Variants in GRIK3 observed in about 807,000 individuals in gnomAD.
GRIK3 encodes glutamate receptor ionotropic, kainate 3.
In GRIK3, 29 loss-of-function variants were observed where a neutral mutation model predicts 102.5. That is an observed-to-expected ratio of 0.28 (90% confidence interval 0.21 to 0.39). The LOEUF is 0.39. GRIK3 is among the 10% of genes least tolerant of loss of function. GRIK3 has a pLI of 1.00. For missense variants in GRIK3, 908 were observed against 1,252.4 expected (o/e 0.73, Z 4.15); for synonymous variants, 511 against 504.9 (o/e 1.01, Z -0.16).
intron 1 of GRIK3, among the ~76,000 whole-genome samples, chr1:36,990,463 T>G (rs1642353275): frequency 6.6e-6 from 1 of 152,136 alleles, no homozygotes; most frequent in Admixed American, 6.5e-5. Context: ...CAGGAGGAGC[T>G]GGCTTCAGGC....
chr1:36,952,897 G>A (rs987771969), intron 1 of GRIK3, among the ~76,000 whole-genome samples: 5 of 152,198 alleles, frequency 3.3e-5, no homozygotes, highest in African/African-American at 1.2e-4. Flanking sequence ...CTATGTGCCT[G>A]AGAGAAATGC....
chr1:36,853,961 C>T (rs1640617823), intron 7 of GRIK3, among the ~76,000 whole-genome samples: 1 of 152,196 alleles, frequency 6.6e-6, no homozygotes, highest in South Asian at 2.1e-4. Context: ...CAACATCGAT[C>T]TTGGATGCGC....
intron 1 of GRIK3, among the ~76,000 whole-genome samples, chr1:36,952,591 T>A (rs552218226): frequency 6.6e-6 from 1 of 152,324 alleles, no homozygotes; most frequent in South Asian, 2.1e-4. Flanking sequence ...TTTACACACA[T>A]AATGAACACG....
intron 1 of GRIK3, among the ~76,000 whole-genome samples, chr1:36,927,938 C>T (rs1641546529): frequency 6.6e-6 from 1 of 152,094 alleles, no homozygotes; most frequent in Non-Finnish European, 1.5e-5. Context: ...AATTCCGCCT[C>T]CGGAATTGTG....
chr1:36,900,599 A>G (rs1411665417), intron 1 of GRIK3, among the ~76,000 whole-genome samples: 1 of 152,218 alleles, frequency 6.6e-6, no homozygotes, highest in Non-Finnish European at 1.5e-5. Flanking sequence ...AATAGAAAAG[A>G]AGAAAGATCT....
chr1:36,949,930 G>C (rs1641826599), intron 1 of GRIK3, among the ~76,000 whole-genome samples: 1 of 152,050 alleles, frequency 6.6e-6, no homozygotes, highest in African/African-American at 2.4e-5. Flanking sequence ...AGAAACAGAG[G>C]CACAGAGTGG....
chr1:36,887,767 A>ATATATAT (rs1466580543), intron 2 of GRIK3, among the ~76,000 whole-genome samples: 2 of 106,432 alleles, frequency 1.9e-5, no homozygotes, highest in African/African-American at 8.8e-5. Context: ...AAAAAAAAAA[A>ATATATAT]AAAAATATAT....
At chr1:36,875,754 G>A (rs1640907100) in intron 3 of GRIK3, among the ~76,000 whole-genome samples, 1 of 152,230 alleles carries the variant, frequency 6.6e-6, no homozygotes. Context: ...AGAAATCACT[G>A]ACCCTGTGGA....
At chr1:37,030,529 T>C (rs1298848264) in intron 1 of GRIK3, among the ~76,000 whole-genome samples, 28 of 117,340 alleles carry the variant, frequency 2.4e-4, no homozygotes, top group African/African-American at 1.1e-3. Flanking sequence ...ACCCTTCCTT[T>C]TCCCCACCCC....
intron 1 of GRIK3, among the ~76,000 whole-genome samples, chr1:36,970,121 C>A (rs1246369004): frequency 6.6e-6 from 1 of 152,088 alleles, no homozygotes; most frequent in Non-Finnish European, 1.5e-5. Flanking sequence ...TTAGCAGCCA[C>A]CAAAGGTTTA....
intron 13 of GRIK3, among the ~76,000 whole-genome samples, chr1:36,807,750 C>T (rs932885336): frequency 6.6e-6 from 1 of 152,152 alleles, no homozygotes; most frequent in Admixed American, 6.5e-5. Flanking sequence ...CAGGCAGGAC[C>T]CCTTAGAATT....
chr1:36,804,499 T>A (rs934724803), intron 15 of GRIK3: 1 of 166,894 alleles, frequency 6.0e-6, no homozygotes, highest in Non-Finnish European at 1.3e-5. Context: ...ACTGTCTATA[T>A]GCTTGGGCCA....
chr1:36,939,019 A>G (rs942959174), intron 1 of GRIK3, among the ~76,000 whole-genome samples: 4 of 152,142 alleles, frequency 2.6e-5, no homozygotes, highest in African/African-American at 9.7e-5. Context: ...CGTCTCTTTG[A>G]GTCCTTGGCT....
chr1:36,814,518 C>CACA (rs1158471326), intron 13 of GRIK3, among the ~76,000 whole-genome samples: 2 of 136,494 alleles, frequency 1.5e-5, no homozygotes, highest in East Asian at 5.0e-4. Flanking sequence ...GACCCCCCCC[C>CACA]CCCACACACA....
chr1:37,021,915 C>A (rs576796609), intron 1 of GRIK3, among the ~76,000 whole-genome samples: 2 of 152,312 alleles, frequency 1.3e-5, no homozygotes, highest in South Asian at 4.1e-4. Context: ...TCACTACTCA[C>A]TCATCAGGCT....
chr1:37,022,920 C>G (rs758677262), intron 1 of GRIK3, among the ~76,000 whole-genome samples: 2 of 152,172 alleles, frequency 1.3e-5, no homozygotes, highest in Non-Finnish European at 2.9e-5. Flanking sequence ...AGTGCTACAA[C>G]AGGAAAAGTA....
chr1:36,864,360 A>G (rs1198129215), intron 5 of GRIK3, among the ~76,000 whole-genome samples: 2 of 152,224 alleles, frequency 1.3e-5, no homozygotes, highest in Non-Finnish European at 2.9e-5. Context: ...ACCATGGAAG[A>G]GAAGCTGAGC....
intron 13 of GRIK3, among the ~76,000 whole-genome samples, chr1:36,814,095 C>G (rs1219903254): frequency 6.6e-6 from 1 of 152,098 alleles, no homozygotes; most frequent in East Asian, 1.9e-4. Context: ...CCTCGCTGTG[C>G]CATTTGCACG....
At chr1:36,923,448 C>G (rs1052774825) in intron 1 of GRIK3, among the ~76,000 whole-genome samples, 1 of 152,182 alleles carries the variant, frequency 6.6e-6, no homozygotes, top group Admixed American at 6.5e-5. Context: ...CATTTTGACC[C>G]CTAATTTGCT....
Sources: gnomAD v4.1 joint callset for allele counts (sites outside exome capture counted in the v4.1 genomes callset) on GRCh38, gnomAD v4.1.1 for gene constraint, MANE v1.5 for transcripts, NCBI Gene and HGNC (gene_info 2026-07-23, HGNC 2026-07-21) for gene names.